The following PTPN13 variants were observed in gnomAD, a reference collection of about 807,000 sequenced individuals.
PTPN13 encodes protein tyrosine phosphatase non-receptor type 13, also known as tyrosine-protein phosphatase non-receptor type 13.
In PTPN13, 191 loss-of-function variants were observed where a neutral mutation model predicts 284.0. The observed-to-expected ratio is 0.67, with a 90% confidence interval of 0.60 to 0.76. The LOEUF (loss-of-function observed/expected upper bound fraction) is 0.76. PTPN13 is among the 30% of genes least tolerant of loss of function. The pLI is 0.00. For synonymous variants in PTPN13, 986 were observed against 1,022.3 expected, an observed-to-expected ratio of 0.96 and a Z score of 0.68; for missense variants, 2,797 against 2,939.9, an observed-to-expected ratio of 0.95 and a Z score of 1.12.
At position 86,750,895 on chromosome 4, in the gene PTPN13, C is replaced by T; in HGVS notation, c.3068+8C>T. ...AGTGACAAAACTTAATAAGTAAGAA[C>T]ATATTAACTAACCCAATTACATATT... On this transcript the variant is annotated splice_region_variant and intron_variant, in intron 18 of 47. Coordinates refer to ENST00000411767, the MANE Select transcript of PTPN13 (RefSeq NM_080683.3). 2 of 1,607,548 alleles carry T rather than the reference C, an allele frequency of 1.2e-6. No homozygotes were observed. Among genetic ancestry groups the T allele is most frequent in the Non-Finnish European group, 1.7e-6 (2 of 1,176,574 alleles).
At chr4:86,791,043 G>A (rs1026458507) in intron 40 of PTPN13, among the ~76,000 whole-genome samples, 6 of 152,186 alleles carry the variant, frequency 3.9e-5, no homozygotes, top group South Asian at 2.1e-4. Context: ...GTGGGGCGTC[G>A]CCTCACACGG....
chr4:86,746,841 G>A (rs559351919), intron 17 of PTPN13, among the ~76,000 whole-genome samples: 10 of 152,224 alleles, frequency 6.6e-5, no homozygotes, highest in Admixed American at 5.2e-4. Context: ...ATGTTGGCCA[G>A]GCTGGTCTCA....
intron 20 of PTPN13, 89 bp from the exon 21 acceptor site, chr4:86,758,171 C>A: frequency 2.4e-6 from 2 of 839,980 alleles, no homozygotes; most frequent in Non-Finnish European, 1.8e-6. Context: ...AATTAACACA[C>A]TTTGTTAACA....
chr4:86,796,997 T>C, intron 41 of PTPN13, 68 bp downstream of exon 41: 2 of 994,656 alleles, frequency 2.0e-6, no homozygotes, highest in South Asian at 1.6e-5. Flanking sequence ...AAGATTTCCA[T>C]TTGTTTTCCA....
At chr4:86,682,864 C>T (rs989278689) in intron 3 of PTPN13, among the ~76,000 whole-genome samples, 18 of 152,102 alleles carry the variant, frequency 1.2e-4, no homozygotes, top group Non-Finnish European at 2.2e-4. Flanking sequence ...AATGTAAAAG[C>T]ATTTTTCTTT....
intron 37 of PTPN13, among the ~76,000 whole-genome samples, chr4:86,784,082 A>G (rs970436490): frequency 6.6e-6 from 1 of 152,074 alleles, no homozygotes; most frequent in African/African-American, 2.4e-5. Context: ...AAACTTTTTT[A>G]AAATTGTATG....
chr4:86,735,058 AT>A (rs142916492), intron 14 of PTPN13, among the ~76,000 whole-genome samples, 183 bp downstream of exon 14: 1 of 151,400 alleles, frequency 6.6e-6, no homozygotes, highest in Non-Finnish European at 1.5e-5. Flanking sequence ...GAAGTGTGGG[AT>A]TTTTTTTTCC....
At chr4:86,698,494 A>G (rs1364984507) in intron 6 of PTPN13, among the ~76,000 whole-genome samples, 1 of 152,110 alleles carries the variant, frequency 6.6e-6, no homozygotes, top group African/African-American at 2.4e-5. Context: ...TTAATGGAAG[A>G]AGTTATATAA....
intron 2 of PTPN13, among the ~76,000 whole-genome samples, chr4:86,638,029 C>G (rs1055009705): frequency 6.1e-4 from 92 of 152,030 alleles, no homozygotes; most frequent in Non-Finnish European, 1.2e-3. Flanking sequence ...TCTTATACAC[C>G]AATAACAGAC....
chr4:86,645,032 A>G (rs570601035), intron 2 of PTPN13, among the ~76,000 whole-genome samples: 1 of 152,178 alleles, frequency 6.6e-6, no homozygotes, highest in African/African-American at 2.4e-5. Flanking sequence ...AACACGGTGA[A>G]ACCTCATCTC....
chr4:86,731,770 A>C (rs1328523667), intron 10 of PTPN13, among the ~76,000 whole-genome samples: 1 of 152,138 alleles, frequency 6.6e-6, no homozygotes, highest in Non-Finnish European at 1.5e-5. Flanking sequence ...CAGCCCTCTA[A>C]GCAGCTGAAC....
At chr4:86,614,570 T>C (rs1720327268) in intron 1 of PTPN13, among the ~76,000 whole-genome samples, 1 of 152,106 alleles carries the variant, frequency 6.6e-6, no homozygotes, top group African/African-American at 2.4e-5. Context: ...AAAAACCAGT[T>C]GGAATTATCA....
chr4:86,656,083 T>C (rs1376721766), intron 2 of PTPN13, among the ~76,000 whole-genome samples: 2 of 152,238 alleles, frequency 1.3e-5, no homozygotes, highest in African/African-American at 2.4e-5. Context: ...GCCATGGTTT[T>C]CAGCTCCTTC....
Position 86,811,024 on chromosome 4 carries a change from CAT to C in PTPN13, c.7300-19_7300-18del. ...ATCCAGTTATCCTTTGAATCTAACA[CAT>C]ATGTGGTTTCCTCTGACAGTTTGAC... On this transcript the variant is annotated intron_variant, in intron 46 of 47. Coordinates refer to ENST00000411767, the MANE Select transcript of PTPN13 (RefSeq NM_080683.3). 1 of 1,604,934 alleles carries C rather than the reference CAT, an allele frequency of 6.2e-7. No individual in the cohort carries two copies. Among genetic ancestry groups the C allele is most frequent in the Non-Finnish European group, 8.5e-7 (1 of 1,172,238 alleles).
At chr4:86,728,848 G>T (rs1734625338) in intron 10 of PTPN13, among the ~76,000 whole-genome samples, 1 of 146,702 alleles carries the variant, frequency 6.8e-6, no homozygotes, top group Non-Finnish European at 1.5e-5. Flanking sequence ...TACATTTAAG[G>T]TTAACATTGT....
chr4:86,612,057 G>A (rs1719956844), intron 1 of PTPN13, among the ~76,000 whole-genome samples: 1 of 152,172 alleles, frequency 6.6e-6, no homozygotes, highest in Non-Finnish European at 1.5e-5. Flanking sequence ...GGAATAATTA[G>A]CCCTAGACTG....
chr4:86,698,027 A>T (rs1170165158), intron 6 of PTPN13, among the ~76,000 whole-genome samples: 1 of 152,178 alleles, frequency 6.6e-6, no homozygotes, highest in South Asian at 2.1e-4. Flanking sequence ...ATTGTTTGCC[A>T]TTTAACTTTT....
At chr4:86,636,371 G>A (rs1226885849) in intron 2 of PTPN13, among the ~76,000 whole-genome samples, 1 of 150,522 alleles carries the variant, frequency 6.6e-6, no homozygotes. Context: ...GCCAGAAGTT[G>A]CACATGAAGA....
intron 1 of PTPN13, among the ~76,000 whole-genome samples, chr4:86,622,728 G>A (rs912193789): frequency 3.4e-4 from 51 of 152,022 alleles, no homozygotes; most frequent in African/African-American, 1.1e-3. Context: ...TCTGTCCTTG[G>A]ATGTCTCTTC....
Sources: allele counts gnomAD v4.1 joint callset (sites outside exome capture counted in the v4.1 genomes callset), GRCh38; gene constraint gnomAD v4.1.1; transcripts MANE v1.5; gene names NCBI Gene and HGNC (gene_info 2026-07-23, HGNC 2026-07-21).